The following PRKAR1B variants were observed in gnomAD, a reference collection of about 807,000 sequenced individuals.
PRKAR1B encodes cAMP-dependent protein kinase type I-beta regulatory subunit.
PRKAR1B carries 22 observed loss-of-function variants against 46.5 expected under a neutral mutation model. That is an observed-to-expected ratio of 0.47 (90% confidence interval 0.34 to 0.68). The LOEUF (loss-of-function observed/expected upper bound fraction) is 0.68. PRKAR1B is among the 30% of genes least tolerant of loss of function. PRKAR1B has a pLI of 0.01. For synonymous variants in PRKAR1B, 259 were observed against 217.7 expected (o/e 1.19, Z -1.67); for missense variants, 445 against 535.6 (o/e 0.83, Z 1.67).
At position 704,468 on chromosome 7, in the gene PRKAR1B, A is replaced by C. The variant is rs138712984; in HGVS notation, c.177+6861T>G. On this transcript the variant is annotated intron_variant, in intron 2 of 10. Coordinates refer to ENST00000537384, the MANE Select transcript of PRKAR1B (RefSeq NM_001164760.2). Reference sequence around the variant, plus strand: ...AATGTAACAACTTAAATGAAACGGAACAATGCCTTGAAATACACAAACTAT... The same window carrying C: ...AATGTAACAACTTAAATGAAACGGACCAATGCCTTGAAATACACAAACTAT... 2.9e-3 allele frequency among the ~76,000 whole-genome samples: 445 copies of C among 152,330 alleles called. 4 individuals are homozygous for C. Among genetic ancestry groups the C allele is most frequent in the African/African-American group, 0.01 (431 of 41,592 alleles).
rs183853571 is a variant in PRKAR1B, at chr7:575,730, T to C, written c.891+3526A>G. On this transcript the variant is annotated intron_variant, in intron 9 of 10. Coordinates refer to ENST00000537384, the MANE Select transcript of PRKAR1B (RefSeq NM_001164760.2). ...CCAGCTAATTTTTTCACCTGTCTTA[T>C]GGTGCTGATAATTTTTAAATTTTTA... Among the ~76,000 whole-genome samples the C allele has an allele frequency of 4.9e-4, 74 of 152,212 alleles. 1 individual carries two copies. In the South Asian group the frequency reaches 0.013, roughly 28 times the overall value.
At chr7:715,897 A>C (rs910962664) in intron 1 of PRKAR1B, among the ~76,000 whole-genome samples, 2 of 151,754 alleles carry the variant, frequency 1.3e-5, no homozygotes, top group African/African-American at 4.8e-5. Flanking sequence ...TTGTATTTTT[A>C]GTAGAGATGG....
chr7:616,445 G>A (rs1249584814), intron 4 of PRKAR1B, among the ~76,000 whole-genome samples: 1 of 152,254 alleles, frequency 6.6e-6, no homozygotes, highest in African/African-American at 2.4e-5. Flanking sequence ...CGGGGGACCA[G>A]GGGACCAGCT....
chr7:642,198 C>T (rs186004416), intron 4 of PRKAR1B, among the ~76,000 whole-genome samples: 1 of 152,260 alleles, frequency 6.6e-6, no homozygotes, highest in East Asian at 1.9e-4. Context: ...ACCCACCCGA[C>T]TCCGTTTATT....
intron 1 of PRKAR1B, among the ~76,000 whole-genome samples, chr7:716,179 T>G (rs1780877940): frequency 6.6e-6 from 1 of 151,770 alleles, no homozygotes; most frequent in East Asian, 1.9e-4. Context: ...TCCAGAGTAG[T>G]TGGGATCACA....
At chr7:656,961 G>A (rs950485722) in intron 4 of PRKAR1B, among the ~76,000 whole-genome samples, 11 of 151,048 alleles carry the variant, frequency 7.3e-5, no homozygotes, top group Non-Finnish European at 1.5e-4. Context: ...GGATGCATGA[G>A]TGAATGCATG....
chr7:583,488 CGT>C (rs66895842), intron 8 of PRKAR1B, among the ~76,000 whole-genome samples: 4,467 of 66,790 alleles, frequency 0.067, 338 homozygotes, highest in East Asian at 0.098. Context: ...CACGCACACA[CGT>C]GTGTGCACAC....
intron 4 of PRKAR1B, among the ~76,000 whole-genome samples, chr7:615,630 G>A (rs935835061): frequency 6.6e-6 from 1 of 151,272 alleles, no homozygotes; most frequent in Non-Finnish European, 1.5e-5. Flanking sequence ...GAGGTCAGGA[G>A]ATCGAGACCA....
chr7:688,857 C>T (rs569815580), intron 2 of PRKAR1B, among the ~76,000 whole-genome samples: 137 of 152,336 alleles, frequency 9.0e-4, no homozygotes, highest in African/African-American at 3.1e-3. Context: ...ACTGCCTGGG[C>T]TTGATTCACT....
At chr7:633,983 T>C (rs1783901679) in intron 4 of PRKAR1B, among the ~76,000 whole-genome samples, 1 of 152,094 alleles carries the variant, frequency 6.6e-6, no homozygotes, top group Admixed American at 6.6e-5. Context: ...GCCCAGGAGT[T>C]TGGGCAACAT....
At chr7:631,516 A>T (rs530130892) in intron 4 of PRKAR1B, among the ~76,000 whole-genome samples, 1 of 152,320 alleles carries the variant, frequency 6.6e-6, no homozygotes, top group East Asian at 1.9e-4. Context: ...AGCCAGTCTC[A>T]CAGCCCAGCA....
chr7:644,610 C>T lies in PRKAR1B; in HGVS notation c.440+32619G>A, dbSNP rs1487808027. On this transcript the variant is annotated intron_variant, in intron 4 of 10. Coordinates refer to ENST00000537384, the MANE Select transcript of PRKAR1B (RefSeq NM_001164760.2). The surrounding 1 kb of genome is among the most constrained non-coding windows in gnomAD (Gnocchi z 4.9). ...GCGAGTGCCCACAACTGGAAGGAAG[C>T]AATGCAGGGCCGTTCTCAGCCTCAG... Among the ~76,000 whole-genome samples, 1 of 152,198 alleles carries T rather than the reference C, an allele frequency of 6.6e-6. No homozygotes were observed. The highest frequency in any genetic ancestry group is 1.5e-5 in the Non-Finnish European group (1 of 68,028).
At chr7:720,966 G>A (rs952483604) in intron 1 of PRKAR1B, among the ~76,000 whole-genome samples, 1 of 152,120 alleles carries the variant, frequency 6.6e-6, no homozygotes, top group Non-Finnish European at 1.5e-5. Flanking sequence ...ATATATTAGG[G>A]CTTACGCTTG....
At chr7:590,345 G>A (rs1317214072) in intron 7 of PRKAR1B, among the ~76,000 whole-genome samples, 1 of 152,250 alleles carries the variant, frequency 6.6e-6, no homozygotes, top group East Asian at 1.9e-4. Context: ...AGCTGAACAT[G>A]GCTGCAGGCC....
Position 662,319 on chromosome 7 carries a change from A to G in PRKAR1B, c.440+14910T>C, listed in dbSNP as rs867858454. On this transcript the variant is annotated intron_variant, in intron 4 of 10. Coordinates refer to ENST00000537384, the MANE Select transcript of PRKAR1B (RefSeq NM_001164760.2). Reference sequence around the variant, plus strand: ...GCAAGGCACAGGTCCCTACTCCAACAGGTCCAAATACCTACTCTCCCCCCC... The same window carrying G: ...GCAAGGCACAGGTCCCTACTCCAACGGGTCCAAATACCTACTCTCCCCCCC... Among the ~76,000 whole-genome samples, 108 of 82,344 alleles carry G rather than the reference A, an allele frequency of 1.3e-3. 1 individual carries two copies. The highest frequency in any genetic ancestry group is 0.01 in the Middle Eastern group (1 of 98). 54.0% of individuals were successfully genotyped at this position (82,344 alleles called of 152,430 possible). A position where few individuals can be genotyped will look rare whatever the true frequency, so the allele number is the denominator to read the frequency against.
At chr7:649,509 G>T (rs892793305) in intron 4 of PRKAR1B, among the ~76,000 whole-genome samples, 1 of 152,052 alleles carries the variant, frequency 6.6e-6, no homozygotes, top group Non-Finnish European at 1.5e-5. Context: ...AGCTATTTTC[G>T]AAATACATCA....
intron 1 of PRKAR1B, 71 bp downstream of exon 1, chr7:727,139 A>T: frequency 8.1e-7 from 1 of 1,232,732 alleles, no homozygotes; most frequent in Non-Finnish European, 1.0e-6. Context: ...GCCTGTGAGG[A>T]GCTGCGCCTG....
chr7:673,930 C>T (rs79582125), intron 4 of PRKAR1B, among the ~76,000 whole-genome samples: 14,003 of 152,242 alleles, frequency 0.092, 828 homozygotes, highest in South Asian at 0.21. Flanking sequence ...CCCTCCTCGG[C>T]GTGTGCCACA....
intron 1 of PRKAR1B, among the ~76,000 whole-genome samples, chr7:716,453 C>T (rs1780888408): frequency 6.6e-6 from 1 of 152,176 alleles, no homozygotes; most frequent in Non-Finnish European, 1.5e-5. Context: ...CAAAACGTTA[C>T]ACAGGGAAAT....
Sources: gnomAD v4.1 joint callset for allele counts (sites outside exome capture counted in the v4.1 genomes callset) on GRCh38, gnomAD v4.1.1 for gene constraint, Gnocchi (gnomAD v3.1) non-coding constraint, MANE v1.5 for transcripts, NCBI Gene and HGNC (gene_info 2026-07-23, HGNC 2026-07-21) for gene names.